RBL1: variants seen among roughly 807,000 people sequenced by gnomAD.
RBL1 encodes RB transcriptional corepressor like 1, also known as retinoblastoma-like protein 1.
Under a neutral mutation model 123.0 loss-of-function variants are expected in RBL1, and 82 were observed. That is an observed-to-expected ratio of 0.67 (90% CI 0.56 to 0.80). The LOEUF (loss-of-function observed/expected upper bound fraction) is 0.80. Ranked by LOEUF, RBL1 falls within the 30% of genes least tolerant of loss-of-function variation. RBL1 has a pLI of 0.00. For missense variants in RBL1, 1,171 were observed against 1,299.6 expected (o/e 0.90, Z 1.52); for synonymous variants, 405 against 441.3 (o/e 0.92, Z 1.03).
At chr20:37,029,815 G>A (rs2064478718) in intron 16 of RBL1, among the ~76,000 whole-genome samples, 1 of 152,062 alleles carries the variant, frequency 6.6e-6, no homozygotes, top group South Asian at 2.1e-4. Flanking sequence ...ATGAAATTAA[G>A]ACAATTCTAC....
At chr20:37,082,058 T>C (rs1396073067) in intron 2 of RBL1, 1 of 455,128 alleles carries the variant, frequency 2.2e-6, no homozygotes, top group East Asian at 7.0e-5. Flanking sequence ...CATGTGTCTC[T>C]ATGCCGGGGG....
chr20:37,089,036 T>C lies in RBL1; in HGVS notation c.243A>G (p.Glu81=), dbSNP rs1568896844. 3 of 1,612,442 alleles carry C rather than the reference T, an allele frequency of 1.9e-6. No homozygotes were observed. Among genetic ancestry groups the C allele is most frequent in the Non-Finnish European group, 1.7e-6 (2 of 1,179,090 alleles). The change falls in exon 2 of 22, where the codon GAA becomes GAG. Residue 81 remains glutamate (E), a synonymous_variant. Coordinates refer to ENST00000373664, the MANE Select transcript of RBL1 (RefSeq NM_002895.5). The part of the protein sequence containing the change: ...IIPTVGKGIM[E]GNCVSLTRIL... Reference sequence around the variant, plus strand: ...TTCTGGTAAGTGAAACACAGTTGCCTTCCATGATACCCTTTCCAACCGTGG... The same window carrying C: ...TTCTGGTAAGTGAAACACAGTTGCCCTCCATGATACCCTTTCCAACCGTGG...
At chr20:37,067,781 A>AAAAAAAAAAAC (rs2065203823) in intron 3 of RBL1, among the ~76,000 whole-genome samples, 1 of 133,592 alleles carries the variant, frequency 7.5e-6, no homozygotes, top group Non-Finnish European at 1.6e-5. Flanking sequence ...AAAAAAAAAA[A>AAAAAAAAAAAC]AAAAAAAAAA....
Position 37,035,116 on chromosome 20 carries a change from T to TTA in RBL1, c.2170+125_2170+126insTA, listed in dbSNP as rs548223088. 4.8e-5 allele frequency: 39 copies of TTA among 813,488 alleles called. No individual in the cohort carries two copies. In the Admixed American group the frequency reaches 5.1e-4, roughly 11 times the overall value. 50.4% of individuals were successfully genotyped at this position (813,488 alleles called of 1,614,324 possible). ...CTGCTCTAAAAAATTCAAATCTATTTAAAAAAAAAAAGTATAGGTTCAAGA... is the reference window on the plus strand; with the variant it reads ...CTGCTCTAAAAAATTCAAATCTATTTTAAAAAAAAAAAAGTATAGGTTCAAGA... On this transcript the variant is annotated intron_variant, in intron 15 of 21. Transcript: ENST00000373664.
intron 8 of RBL1, among the ~76,000 whole-genome samples, chr20:37,061,775 G>A (rs111226028): frequency 9.2e-5 from 14 of 152,250 alleles, no homozygotes; most frequent in African/African-American, 2.2e-4. Flanking sequence ...TTAAAGCAAC[G>A]TAACGGAGCC....
chr20:37,074,435 T>G (rs567642833), intron 2 of RBL1, among the ~76,000 whole-genome samples: 1 of 145,330 alleles, frequency 6.9e-6, no homozygotes, highest in South Asian at 2.2e-4. Context: ...AAAAAAAAAT[T>G]TAAGAGAGAG....
chr20:37,032,922 A>G, intron 15 of RBL1, 46 bp from the exon 16 acceptor site: 1 of 1,605,044 alleles, frequency 6.2e-7, no homozygotes. Context: ...ATGTTCTAGG[A>G]AAGTTGTCAA....
intron 14 of RBL1, among the ~76,000 whole-genome samples, chr20:37,037,988 G>GTTT (rs57647591): frequency 3.2e-4 from 27 of 83,566 alleles, no homozygotes; most frequent in South Asian, 7.7e-4. Flanking sequence ...CCCGGCCATT[G>GTTT]TTTTTTTTTT....
intron 2 of RBL1, among the ~76,000 whole-genome samples, chr20:37,075,115 A>G (rs1272248194): frequency 6.6e-6 from 1 of 152,224 alleles, no homozygotes; most frequent in Non-Finnish European, 1.5e-5. Flanking sequence ...ACAGAAGACC[A>G]CATATTATAC....
intron 14 of RBL1, among the ~76,000 whole-genome samples, chr20:37,036,303 A>G (rs1356490328): frequency 6.6e-6 from 1 of 152,186 alleles, no homozygotes; most frequent in Non-Finnish European, 1.5e-5. Context: ...TATGAGATGG[A>G]GTCTTGCTCT....
chr20:37,092,147 A>G (rs1485592814), intron 1 of RBL1, among the ~76,000 whole-genome samples: 1 of 152,030 alleles, frequency 6.6e-6, no homozygotes, highest in African/African-American at 2.4e-5. Flanking sequence ...GGAGGCTGAG[A>G]TGGGAGAAGT....
At chr20:37,005,306 C>T (rs536476598) in intron 20 of RBL1, among the ~76,000 whole-genome samples, 4 of 151,454 alleles carry the variant, frequency 2.6e-5, no homozygotes, top group Admixed American at 2.6e-4. Flanking sequence ...ACTCAGGAGG[C>T]TGAGTTACAG....
intron 21 of RBL1, among the ~76,000 whole-genome samples, chr20:36,999,543 C>A (rs904097756): frequency 3.3e-5 from 5 of 152,028 alleles, no homozygotes; most frequent in African/African-American, 1.2e-4. Context: ...TGATGCCGAG[C>A]CAAAGCTGGA....
chr20:37,037,655 G>C (rs1438500808), intron 14 of RBL1, among the ~76,000 whole-genome samples: 1 of 151,274 alleles, frequency 6.6e-6, no homozygotes, highest in African/African-American at 2.4e-5. Flanking sequence ...TAAAATGACT[G>C]AGTATTCACA....
intron 17 of RBL1, among the ~76,000 whole-genome samples, chr20:37,021,477 G>A (rs1040631462): frequency 2.7e-5 from 4 of 149,762 alleles, no homozygotes; most frequent in Admixed American, 6.7e-5. Flanking sequence ...TAGAGTCTCA[G>A]TCTGTCATCC....
chr20:37,015,726 G>A (rs938923927), intron 19 of RBL1, among the ~76,000 whole-genome samples: 2 of 145,888 alleles, frequency 1.4e-5, no homozygotes, highest in African/African-American at 5.1e-5. Context: ...CACCGCACCC[G>A]GGCTTGTTTG....
At chr20:37,046,288 A>G (rs1392085943) in intron 12 of RBL1, among the ~76,000 whole-genome samples, 3 of 152,222 alleles carry the variant, frequency 2.0e-5, no homozygotes, top group Non-Finnish European at 2.9e-5. Context: ...ATTCATAAAT[A>G]TGGAAAATTT....
intron 2 of RBL1, among the ~76,000 whole-genome samples, chr20:37,069,207 G>T (rs2065237242): frequency 6.6e-6 from 1 of 152,174 alleles, no homozygotes; most frequent in Non-Finnish European, 1.5e-5. Context: ...CCTCCCAGCC[G>T]CCTGCCTTGG....
intron 2 of RBL1, among the ~76,000 whole-genome samples, chr20:37,070,230 G>A (rs2146309360): frequency 6.6e-6 from 1 of 152,234 alleles, no homozygotes; most frequent in South Asian, 2.1e-4. Flanking sequence ...TGGATTAAGG[G>A]CGGTGCAAGA....
Sources: gnomAD v4.1 joint callset for allele counts (sites outside exome capture counted in the v4.1 genomes callset) on GRCh38, gnomAD v4.1.1 for gene constraint, MANE v1.5 for transcripts, NCBI Gene and HGNC (gene_info 2026-07-23, HGNC 2026-07-21) for gene names.